The following DSCAML1 variants were observed in gnomAD, a reference collection of about 807,000 sequenced individuals.
DSCAML1 encodes cell adhesion molecule DSCAML1.
In DSCAML1, 38 loss-of-function variants were observed where a neutral mutation model predicts 200.5. The ratio of observed to expected loss-of-function variants is 0.19; its 90% CI spans 0.15 to 0.25. The LOEUF is 0.25. Ranked by LOEUF, DSCAML1 falls within the 10% of genes least tolerant of loss-of-function variation. DSCAML1 has a pLI of 1.00. For synonymous variants in DSCAML1, 1,215 were observed against 1,165.0 expected (o/e 1.04, Z -0.87); for missense variants, 2,223 against 2,858.8 (o/e 0.78, Z 5.07).
At chr11:117,467,193 A>ACACCCCCCCCC (rs1555172719) in intron 16 of DSCAML1, among the ~76,000 whole-genome samples, 6 of 109,510 alleles carry the variant, frequency 5.5e-5, no homozygotes, top group African/African-American at 2.7e-4. Context: ...GTGCACACAC[A>ACACCCCCCCCC]CCTCCCCCCT....
At chr11:117,608,404 A>G (rs181659874) in intron 3 of DSCAML1, among the ~76,000 whole-genome samples, 9 of 152,350 alleles carry the variant, frequency 5.9e-5, no homozygotes, top group Admixed American at 3.3e-4. Flanking sequence ...AACCCTCTCT[A>G]TTAACATTTT....
chr11:117,727,381 T>C (rs2054149844), intron 3 of DSCAML1, among the ~76,000 whole-genome samples: 1 of 152,176 alleles, frequency 6.6e-6, no homozygotes, highest in East Asian at 1.9e-4. Context: ...GAATCTTCTC[T>C]CTCTCCATCC....
intron 3 of DSCAML1, among the ~76,000 whole-genome samples, chr11:117,565,098 T>C (rs1291961826): frequency 1.3e-5 from 2 of 152,164 alleles, no homozygotes; most frequent in Non-Finnish European, 2.9e-5. Flanking sequence ...CCTGACCACC[T>C]GTTCAGTGCT....
intron 3 of DSCAML1, among the ~76,000 whole-genome samples, chr11:117,566,957 T>C (rs2050770280): frequency 6.6e-6 from 1 of 152,080 alleles, no homozygotes; most frequent in Non-Finnish European, 1.5e-5. Context: ...ATGTGCCACA[T>C]TTTCTTAATC....
chr11:117,687,368 C>T (rs997391472), intron 3 of DSCAML1, among the ~76,000 whole-genome samples: 1 of 151,490 alleles, frequency 6.6e-6, no homozygotes, highest in African/African-American at 2.4e-5. Context: ...TCAAGTAATC[C>T]TCCTACCTCA....
At chr11:117,523,104 T>C (rs1413481093) in intron 5 of DSCAML1, among the ~76,000 whole-genome samples, 2 of 152,178 alleles carry the variant, frequency 1.3e-5, no homozygotes, top group African/African-American at 2.4e-5. Context: ...TACGTGTGCA[T>C]GCGTACTTGG....
At chr11:117,497,914 CAG>C (rs1327173454) in intron 11 of DSCAML1, among the ~76,000 whole-genome samples, 25 of 152,370 alleles carry the variant, frequency 1.6e-4, no homozygotes, top group African/African-American at 5.3e-4. Context: ...GCAGATGCAG[CAG>C]AGAGTCCATC....
At chr11:117,483,155 T>C (rs773199308) in intron 11 of DSCAML1, among the ~76,000 whole-genome samples, 2 of 152,012 alleles carry the variant, frequency 1.3e-5, no homozygotes, top group Non-Finnish European at 2.9e-5. Flanking sequence ...AGGGGAAAAA[T>C]GGTCTCAGCT....
chr11:117,816,325 C>T (rs2055806147), intron 1 of DSCAML1, among the ~76,000 whole-genome samples: 1 of 152,236 alleles, frequency 6.6e-6, no homozygotes, highest in African/African-American at 2.4e-5. Context: ...GGCTCCGAGG[C>T]CCAGGCCCAA....
chr11:117,664,067 G>A (rs933477661), intron 3 of DSCAML1, among the ~76,000 whole-genome samples: 3 of 152,196 alleles, frequency 2.0e-5, no homozygotes, highest in African/African-American at 7.2e-5. Context: ...CGGGAGGAGG[G>A]GCCGGGCCTG....
chr11:117,537,286 T>C (rs1257214008), intron 3 of DSCAML1, among the ~76,000 whole-genome samples: 9 of 152,346 alleles, frequency 5.9e-5, no homozygotes, highest in Admixed American at 4.6e-4. Context: ...CTGGGCACCA[T>C]GGGAGAAGTC....
intron 8 of DSCAML1, among the ~76,000 whole-genome samples, chr11:117,508,256 T>C: frequency 6.6e-6 from 1 of 152,160 alleles, no homozygotes. Context: ...GAAGCCCACC[T>C]TCCTTCCACA....
In DSCAML1 at chr11:117,441,390, T is replaced by G. The variant is rs115145090; in HGVS notation, c.3863-1454A>C. Among the ~76,000 whole-genome samples, 1,105 of 152,236 alleles carry G rather than the reference T, an allele frequency of 7.3e-3. 9 individuals carry two copies. The highest frequency in any genetic ancestry group is 0.026 in the African/African-American group (1,067 of 41,558). ...CTGATCTGAGAGTCAGCAGGCATGATGAGGCCACAGGAGGGGATGCAGACT... is the reference window on the plus strand; with the variant it reads ...CTGATCTGAGAGTCAGCAGGCATGAGGAGGCCACAGGAGGGGATGCAGACT... On this transcript the variant is annotated intron_variant, in intron 21 of 32. Coordinates refer to ENST00000651296, the MANE Select transcript of DSCAML1 (RefSeq NM_020693.4).
intron 3 of DSCAML1, among the ~76,000 whole-genome samples, chr11:117,565,859 C>T (rs1280799810): frequency 6.6e-6 from 1 of 152,188 alleles, no homozygotes; most frequent in Non-Finnish European, 1.5e-5. Context: ...AGATCAGGGA[C>T]GGTGCAGACC....
At chr11:117,797,297 C>G (rs543263873), upstream of DSCAML1, 60 of 1,320,850 alleles carry the variant, frequency 4.5e-5, no homozygotes, top group East Asian at 5.4e-4. Context: ...TCCCCGCCCC[C>G]CCGCGGCACC....
At chr11:117,444,948 A>G (rs886194993) in intron 20 of DSCAML1, among the ~76,000 whole-genome samples, 2 of 152,046 alleles carry the variant, frequency 1.3e-5, no homozygotes, top group African/African-American at 4.8e-5. Flanking sequence ...CCCTTTGAAA[A>G]CAGAGCGGAA....
Position 117,652,400 on chromosome 11 carries a change from G to A in DSCAML1, c.512-119878C>T, listed in dbSNP as rs142389600. ...CAGACCTCCAAGACTAGAGGGCGGC[G>A]TAGCCCCTGTCCCACCACGCCATGC... On this transcript the variant is annotated intron_variant, in intron 3 of 32. Transcript: ENST00000651296. Among the ~76,000 whole-genome samples the A allele has an allele frequency of 2.3e-3, 346 of 152,330 alleles. 3 individuals carry two copies. The highest frequency in any genetic ancestry group is 7.4e-3 in the African/African-American group (306 of 41,574).
chr11:117,590,936 G>C (rs2051246936), intron 3 of DSCAML1, among the ~76,000 whole-genome samples: 1 of 152,190 alleles, frequency 6.6e-6, no homozygotes, highest in Non-Finnish European at 1.5e-5. Context: ...AATCACCAGA[G>C]GCCTAGGATT....
chr11:117,769,155 A>ATGTATAT, intron 3 of DSCAML1, among the ~76,000 whole-genome samples: 1 of 39,500 alleles, frequency 2.5e-5, no homozygotes, highest in Non-Finnish European at 5.1e-5. Context: ...TATATATTTT[A>ATGTATAT]TATATATTAT....
Sources: allele counts gnomAD v4.1 joint callset (sites outside exome capture counted in the v4.1 genomes callset), GRCh38; gene constraint gnomAD v4.1.1; transcripts MANE v1.5; gene names NCBI Gene and HGNC (gene_info 2026-07-23, HGNC 2026-07-21).